The following MYOCOS variants were observed in gnomAD, a reference collection of about 807,000 sequenced individuals.
The protein encoded by MYOCOS is myocilin opposite strand protein.
intron 1 of MYOCOS, among the ~76,000 whole-genome samples, chr1:171,602,749 A>G (rs1267748876): frequency 1.3e-5 from 2 of 152,364 alleles, no homozygotes; most frequent in African/African-American, 2.4e-5. Flanking sequence ...TACAAGAAGC[A>G]TTATTAAATA....
At position 171,624,435 on chromosome 1, in the gene MYOCOS, A is replaced by AATTATT. The variant is rs72026900; in HGVS notation, c.95+478_95+483dup. ...CAGCCATGTGCCACCACGTCTGGTTAATTATTATTATTATTATTATTATTA... is the reference window on the plus strand; with the variant it reads ...CAGCCATGTGCCACCACGTCTGGTTAATTATTATTATTATTATTATTATTATTATTA... On this transcript the variant is annotated intron_variant, in intron 2 of 2. Coordinates refer to ENST00000637642, the MANE Select transcript of MYOCOS (RefSeq NM_001391940.1). 5.5e-3 allele frequency among the ~76,000 whole-genome samples: 806 copies of AATTATT among 147,154 alleles called. 7 individuals are homozygous for AATTATT. The highest frequency in any genetic ancestry group is 0.018 in the African/African-American group (696 of 39,274).
chr1:171,604,397 C>T (rs1652204512), intron 1 of MYOCOS: 1 of 152,326 alleles, frequency 6.6e-6, no homozygotes. Context: ...AAGATTGCTA[C>T]AGTCCTATTA....
chr1:171,608,394 T>C (rs1652293180), intron 1 of MYOCOS, among the ~76,000 whole-genome samples: 1 of 141,822 alleles, frequency 7.1e-6, no homozygotes, highest in Non-Finnish European at 1.5e-5. Context: ...TGGCCTTGAG[T>C]CCAGGGAACC....
At chr1:171,614,292 C>A (rs531620658) in intron 1 of MYOCOS, among the ~76,000 whole-genome samples, 11 of 152,322 alleles carry the variant, frequency 7.2e-5, no homozygotes, top group African/African-American at 2.2e-4. Flanking sequence ...TGGGAAAAGA[C>A]ACTGAAATCA....
chr1:171,616,317 A>C (rs1429589165), intron 2 of MYOCOS, among the ~76,000 whole-genome samples: 1 of 152,188 alleles, frequency 6.6e-6, no homozygotes, highest in East Asian at 1.9e-4. Context: ...AGACAGGTGG[A>C]TCACATGAGG....
chr1:171,620,918 T>C (rs551342604), upstream of MYOCOS, among the ~76,000 whole-genome samples: 13 of 151,348 alleles, frequency 8.6e-5, no homozygotes, highest in South Asian at 4.2e-4. Context: ...TACAGGCGAG[T>C]GCCACCACGC....
chr1:171,607,565 G>A (rs1026087240), intron 1 of MYOCOS, among the ~76,000 whole-genome samples: 1 of 152,124 alleles, frequency 6.6e-6, no homozygotes, highest in Non-Finnish European at 1.5e-5. Context: ...TAAAAAAAAC[G>A]ATGCTTAAGA....
chr1:171,605,394 C>CACACAA (rs376886204), intron 1 of MYOCOS, among the ~76,000 whole-genome samples: 11,508 of 126,928 alleles, frequency 0.091, 628 homozygotes, highest in Middle Eastern at 0.16. Context: ...CACACACACA[C>CACACAA]AAAAAAAAAA....
chr1:171,620,296 C>T (rs1652535328), upstream of MYOCOS, among the ~76,000 whole-genome samples: 1 of 151,878 alleles, frequency 6.6e-6, no homozygotes, highest in Non-Finnish European at 1.5e-5. Flanking sequence ...TTTTATTTAA[C>T]ATTAATCGTG....
chr1:171,621,488 G>C (rs930509613), upstream of MYOCOS, among the ~76,000 whole-genome samples: 7 of 147,980 alleles, frequency 4.7e-5, no homozygotes, highest in African/African-American at 1.8e-4. Flanking sequence ...CCATTCTCCT[G>C]CCTCAGCCTC....
upstream of MYOCOS, among the ~76,000 whole-genome samples, chr1:171,621,864 A>G (rs143051439): frequency 2.0e-5 from 3 of 152,252 alleles, no homozygotes; most frequent in African/African-American, 4.8e-5. Flanking sequence ...AATACATTTT[A>G]AAAATTAAAA....
chr1:171,615,005 G>C (rs1162737897), exon 2 of MYOCOS: 1 of 152,288 alleles, frequency 6.6e-6, no homozygotes, highest in African/African-American at 2.4e-5. Context: ...CTGAGAAAAA[G>C]GTGAGTAGTA....
chr1:171,612,367 C>T (rs766705589), intron 1 of MYOCOS, among the ~76,000 whole-genome samples: 1 of 151,966 alleles, frequency 6.6e-6, no homozygotes, highest in Non-Finnish European at 1.5e-5. Flanking sequence ...GTGTGAGCCA[C>T]TGCGCCTGGC....
At chr1:171,621,436 C>T (rs921527332), upstream of MYOCOS, among the ~76,000 whole-genome samples, 17 of 130,778 alleles carry the variant, frequency 1.3e-4, no homozygotes, top group East Asian at 2.5e-4. Context: ...AGTGCAGTGG[C>T]GCGATCTCGG....
chr1:171,613,546 ATT>A (rs35731495), intron 1 of MYOCOS, among the ~76,000 whole-genome samples: 1 of 148,232 alleles, frequency 6.7e-6, no homozygotes, highest in Non-Finnish European at 1.5e-5. Flanking sequence ...TCTGTGATGC[ATT>A]TTTTTTTTGT....
intron 1 of MYOCOS, among the ~76,000 whole-genome samples, chr1:171,605,278 A>G (rs1652221245): frequency 6.6e-6 from 1 of 151,992 alleles, no homozygotes; most frequent in African/African-American, 2.4e-5. Context: ...AAAAGTCTCA[A>G]TTATTAGACA....
At chr1:171,611,002 A>C (rs1048703350) in intron 1 of MYOCOS, among the ~76,000 whole-genome samples, 2 of 152,172 alleles carry the variant, frequency 1.3e-5, no homozygotes, top group African/African-American at 4.8e-5. Context: ...ACCATCATTC[A>C]TGAGTTTGTA....
Position 171,616,364 on chromosome 1 carries a change from ACT to A in MYOCOS, c.-44+1362_-44+1363del, listed in dbSNP as rs1342203806. 2.0e-5 allele frequency among the ~76,000 whole-genome samples: 3 copies of A among 152,288 alleles called. No homozygotes were observed. In the East Asian group the frequency reaches 5.8e-4, roughly 29 times the overall value. ...AGACCAGCCTGGCCAACATGGCAAA[ACT>A]CTGTCTCTATTAAAAATACAAAAAT... On this transcript the variant is annotated intron_variant, in intron 2 of 3. Coordinates refer to the MYOCOS transcript ENST00000636697.
chr1:171,602,267 G>A (rs1652158552), intron 1 of MYOCOS, among the ~76,000 whole-genome samples: 1 of 152,008 alleles, frequency 6.6e-6, no homozygotes, highest in African/African-American at 2.4e-5. Context: ...TGCAAAAAAT[G>A]TTGTATAATT....
Sources: allele counts gnomAD v4.1 joint callset (sites outside exome capture counted in the v4.1 genomes callset), GRCh38; gene constraint gnomAD v4.1.1; transcripts MANE v1.5; gene names NCBI Gene and HGNC (gene_info 2026-07-23, HGNC 2026-07-21).